The following PKIA variants were observed in gnomAD, a reference collection of about 807,000 sequenced individuals.
PKIA encodes PKI-alpha.
PKIA carries 4 observed loss-of-function variants against 7.6 expected under a neutral mutation model. The observed-to-expected ratio is 0.52, with a 90% CI of 0.26 to 1.20. PKIA has a LOEUF of 1.20. PKIA is among the 50% of genes most tolerant of loss of function. The pLI, the probability that PKIA is intolerant of heterozygous loss-of-function variation, is 0.13. For synonymous variants in PKIA, 21 were observed against 30.7 expected (o/e 0.68, Z 1.04); for missense variants, 73 against 86.2 (o/e 0.85, Z 0.61).
chr8:78,517,310 C>T (rs1427193018), intron 1 of PKIA, among the ~76,000 whole-genome samples: 4 of 152,262 alleles, frequency 2.6e-5, no homozygotes, highest in African/African-American at 9.6e-5. Context: ...CCCATTAACT[C>T]CCTTCGCTGT....
chr8:78,566,930 T>G (rs930692437), intron 1 of PKIA, among the ~76,000 whole-genome samples: 2 of 152,122 alleles, frequency 1.3e-5, no homozygotes, highest in African/African-American at 4.8e-5. Flanking sequence ...TACCAGGAAT[T>G]ATTGCTTATT....
chr8:78,579,374 T>G (rs1230285309), intron 2 of PKIA, among the ~76,000 whole-genome samples: 2 of 152,082 alleles, frequency 1.3e-5, no homozygotes, highest in Non-Finnish European at 1.5e-5. Flanking sequence ...TTCTTTGACC[T>G]ACATGGCCTT....
chr8:78,543,251 C>T (rs142304471), intron 1 of PKIA, among the ~76,000 whole-genome samples: 2 of 152,206 alleles, frequency 1.3e-5, no homozygotes, highest in African/African-American at 4.8e-5. Context: ...AGCATTGCTT[C>T]TAAGTGTCCC....
intron 1 of PKIA, among the ~76,000 whole-genome samples, chr8:78,555,481 C>T (rs1483745447): frequency 2.0e-5 from 3 of 152,066 alleles, no homozygotes; most frequent in Admixed American, 6.6e-5. Context: ...CTCCCAGTTA[C>T]AAGACTCATC....
intron 1 of PKIA, among the ~76,000 whole-genome samples, chr8:78,567,682 C>T (rs1309621717): frequency 6.6e-6 from 1 of 152,156 alleles, no homozygotes; most frequent in African/African-American, 2.4e-5. Context: ...GAGAGTTATA[C>T]TCCGCCTTCT....
chr8:78,564,110 A>G (rs1001167075), intron 1 of PKIA, among the ~76,000 whole-genome samples: 2 of 152,016 alleles, frequency 1.3e-5, no homozygotes, highest in Admixed American at 1.3e-4. Context: ...GCAACACATC[A>G]GCTGAGAGAA....
Position 78,582,580 on chromosome 8 carries a change from A to G in PKIA, c.-28+9641A>G, listed in dbSNP as rs147811726. 7.5e-3 allele frequency among the ~76,000 whole-genome samples: 1,138 copies of G among 152,240 alleles called. 9 individuals are homozygous for G. Among genetic ancestry groups the G allele is most frequent in the Non-Finnish European group, 9.0e-3 (611 of 68,006 alleles). ...TGGGAACACAAAGCCAAACTGTATC[A>G]ATGTTTTTGTTTTCTTTTGATGTTC... On this transcript the variant is annotated intron_variant, in intron 2 of 3. Transcript: ENST00000396418.
intron 1 of PKIA, among the ~76,000 whole-genome samples, chr8:78,529,192 G>C (rs1806332494): frequency 6.6e-6 from 1 of 151,978 alleles, no homozygotes; most frequent in East Asian, 1.9e-4. Flanking sequence ...AAAATGATTT[G>C]CCAACTGACA....
At chr8:78,517,447 A>G (rs1471048143) in intron 1 of PKIA, among the ~76,000 whole-genome samples, 1 of 152,196 alleles carries the variant, frequency 6.6e-6, no homozygotes, top group Non-Finnish European at 1.5e-5. Context: ...TTTTTCTTGA[A>G]GCAATTTTAG....
chr8:78,525,235 G>A (rs934398543), intron 1 of PKIA, among the ~76,000 whole-genome samples: 10 of 151,728 alleles, frequency 6.6e-5, no homozygotes, highest in African/African-American at 2.4e-4. Context: ...AGAAAACTCA[G>A]AATGCAAGAT....
At chr8:78,587,950 A>C (rs191153502) in intron 2 of PKIA, among the ~76,000 whole-genome samples, 9 of 152,344 alleles carry the variant, frequency 5.9e-5, no homozygotes, top group Admixed American at 2.6e-4. Context: ...GAGGATCTTG[A>C]GTAAGATAAT....
chr8:78,578,787 C>T (rs1363986076), intron 2 of PKIA, among the ~76,000 whole-genome samples: 2 of 151,860 alleles, frequency 1.3e-5, no homozygotes, highest in African/African-American at 4.8e-5. Flanking sequence ...TGGCCCTCTA[C>T]GGTTTTCTGT....
chr8:78,553,933 G>C (rs1386817779), intron 1 of PKIA, among the ~76,000 whole-genome samples: 2 of 151,908 alleles, frequency 1.3e-5, no homozygotes, highest in Non-Finnish European at 2.9e-5. Flanking sequence ...GTTTAAACAG[G>C]CAGCAGAACA....
intron 1 of PKIA, among the ~76,000 whole-genome samples, chr8:78,554,303 A>G (rs1807072655): frequency 6.6e-6 from 1 of 151,986 alleles, no homozygotes. Context: ...CCTGACAGCT[A>G]AATAGTAGGG....
intron 1 of PKIA, among the ~76,000 whole-genome samples, chr8:78,572,005 T>A (rs531456633): frequency 6.6e-6 from 1 of 152,124 alleles, no homozygotes; most frequent in African/African-American, 2.4e-5. Context: ...AAATGATGAA[T>A]GATAGTATAG....
intron 2 of PKIA, among the ~76,000 whole-genome samples, chr8:78,576,803 A>G (rs941049848): frequency 2.6e-5 from 4 of 152,036 alleles, no homozygotes; most frequent in African/African-American, 9.7e-5. Context: ...GTTAACTACC[A>G]TTAGACCCAA....
At chr8:78,521,143 TAA>T (rs926495987) in intron 1 of PKIA, among the ~76,000 whole-genome samples, 5 of 152,126 alleles carry the variant, frequency 3.3e-5, no homozygotes, top group African/African-American at 9.7e-5. Flanking sequence ...TTCTCAGACT[TAA>T]GAGTATTGTA....
chr8:78,598,521 A>G lies in PKIA; in HGVS notation c.137A>G (p.Asp46Gly), dbSNP rs1319818987. The change falls in exon 3 of 4, where the codon GAT (aspartate) becomes GGT (glycine). Residue 46 changes from aspartate (D) to glycine (G), a missense_variant. Physicochemically the swap from Asp to Gly is moderately conservative, Grantham distance 94 (BLOSUM62 -1). Coordinates refer to ENST00000396418, the MANE Select transcript of PKIA (RefSeq NM_006823.4). The stretch of plus-strand genomic sequence containing the variant: ...TTAGCCTTGAAATTAGCAGGTCTTG[A>G]TATCAACAAGACAGGTAAGTCATCT... Reference protein sequence around the residue: ...NELALKLAGLDINKTEGEEDA... With the variant: ...NELALKLAGLGINKTEGEEDA... The G allele has an allele frequency of 5.0e-6, 8 of 1,609,488 alleles. No individual in the cohort carries two copies. In the South Asian group the frequency reaches 8.8e-5, roughly 18 times the overall value.
At chr8:78,599,463 A>G (rs1336764656) in intron 3 of PKIA, among the ~76,000 whole-genome samples, 1 of 152,096 alleles carries the variant, frequency 6.6e-6, no homozygotes, top group Non-Finnish European at 1.5e-5. Flanking sequence ...GTATATATAG[A>G]TTAATGAAAT....
Sources: allele counts gnomAD v4.1 joint callset (sites outside exome capture counted in the v4.1 genomes callset), GRCh38; gene constraint gnomAD v4.1.1; transcripts MANE v1.5; gene names NCBI Gene and HGNC (gene_info 2026-07-23, HGNC 2026-07-21).